MFAP5: variants seen among roughly 807,000 people sequenced by gnomAD.
The protein encoded by MFAP5 is microfibril associated protein 5.
In MFAP5, 19 loss-of-function variants were observed where a neutral mutation model predicts 30.1. The observed-to-expected ratio is 0.63, with a 90% confidence interval of 0.44 to 0.93. MFAP5 has a LOEUF of 0.93. Among genes scored for constraint, MFAP5 ranks in the 40% least tolerant of loss-of-function variants. The pLI is 0.00. For synonymous variants in MFAP5, 92 were observed against 72.9 expected (o/e 1.26, Z -1.33); for missense variants, 210 against 221.3 (o/e 0.95, Z 0.32).
At chr12:8,660,569 T>C (rs1045626504) in intron 3 of MFAP5, among the ~76,000 whole-genome samples, 35 of 152,026 alleles carry the variant, frequency 2.3e-4, no homozygotes, top group Admixed American at 1.3e-3. Flanking sequence ...AGATAGGAGA[T>C]GTGTAAAGAA....
intron 3 of MFAP5, among the ~76,000 whole-genome samples, chr12:8,657,944 T>G (rs1942051031): frequency 6.6e-6 from 1 of 152,194 alleles, no homozygotes; most frequent in South Asian, 2.1e-4. Context: ...AATATTTTTA[T>G]AAAGCATATC....
At chr12:8,661,507 C>T (rs1433807109) in intron 2 of MFAP5, among the ~76,000 whole-genome samples, 1 of 151,488 alleles carries the variant, frequency 6.6e-6, no homozygotes, top group Non-Finnish European at 1.5e-5. Context: ...CACTGTTCTT[C>T]TTCAAGATTT....
rs762891434 is a variant in MFAP5, at chr12:8,660,941, C to G, written c.59-43G>C. 11 of 1,533,812 alleles carry G rather than the reference C, an allele frequency of 7.2e-6. No individual in the cohort carries two copies. In the South Asian group the frequency reaches 1.3e-4, roughly 17 times the overall value. ...AAAAGAGATGTGAGTGACTGCAGCT[C>G]TATACCTCGTAACCCTTTTATGAGA... On this transcript the variant is annotated intron_variant, in intron 2 of 9. Transcript: ENST00000359478.
intron 9 of MFAP5, chr12:8,648,581 A>G (rs967503763): frequency 3.3e-6 from 4 of 1,227,942 alleles, no homozygotes; most frequent in Non-Finnish European, 3.2e-6. Context: ...ATGAGATCCA[A>G]TCATTCAGTA....
chr12:8,661,991 C>T, intron 2 of MFAP5, 56 bp downstream of exon 2: 1 of 1,521,476 alleles, frequency 6.6e-7, no homozygotes, highest in Non-Finnish European at 9.1e-7. Context: ...TCTCCTGCCA[C>T]ACACGTGTAT....
intron 6 of MFAP5, among the ~76,000 whole-genome samples, chr12:8,653,946 G>A (rs1194796359): frequency 2.6e-5 from 4 of 151,996 alleles, no homozygotes; most frequent in African/African-American, 7.3e-5. Flanking sequence ...CCAACGTGGC[G>A]AAACCCCATC....
At chr12:8,662,181 CCT>C in intron 1 of MFAP5, 75 bp from the exon 2 acceptor site, 1 of 1,218,304 alleles carries the variant, frequency 8.2e-7, no homozygotes, top group South Asian at 1.3e-5. Flanking sequence ...GGGAAAGATG[CCT>C]CTGAGGTCCC....
chr12:8,647,225 G>A lies in MFAP5; in HGVS notation c.*866C>T, dbSNP rs775009673. ...CACTTGTTAAGTTGTGAAGATGAAC[G>A]AAGTAGCAACTCAAGGAAACGTCAA... is the stretch of plus-strand genomic sequence containing the variant. On this transcript the variant is annotated 3_prime_UTR_variant, in exon 10 of 10. Coordinates refer to ENST00000359478, the MANE Select transcript of MFAP5 (RefSeq NM_003480.4). 8 of 152,164 alleles carry A rather than the reference G, an allele frequency of 5.3e-5. No individual in the cohort carries two copies. Among genetic ancestry groups the A allele is most frequent in the Non-Finnish European group, 8.8e-5 (6 of 68,028 alleles). 9.4% of individuals were successfully genotyped at this position (152,164 alleles called of 1,614,324 possible).
chr12:8,656,143 C>T (rs1306256879), intron 3 of MFAP5, among the ~76,000 whole-genome samples: 3 of 150,066 alleles, frequency 2.0e-5, no homozygotes, highest in East Asian at 2.0e-4. Flanking sequence ...TCACTGCAAG[C>T]TCCGCCTCCC....
intron 9 of MFAP5, chr12:8,648,487 C>A: frequency 3.1e-6 from 4 of 1,286,762 alleles, no homozygotes; most frequent in African/African-American, 1.5e-5. Context: ...TGCAAAGTAC[C>A]TAGCACAGGT....
intron 3 of MFAP5, among the ~76,000 whole-genome samples, chr12:8,656,111 A>G (rs1465000025): frequency 1.5e-5 from 2 of 137,210 alleles, no homozygotes; most frequent in Non-Finnish European, 3.0e-5. Flanking sequence ...CCCAGGCTGG[A>G]GTGCAGGGGC....
At chr12:8,657,560 CTTTGACTTTTTTTTTTTTTTTTTT>C (rs1942037407) in intron 3 of MFAP5, among the ~76,000 whole-genome samples, 1 of 149,084 alleles carries the variant, frequency 6.7e-6, no homozygotes, top group South Asian at 2.1e-4. Context: ...ACATAGTTTG[CTTTGACTTTTTTTTTTTTTTTTTT>C]TTTGAGACGG....
In MFAP5 at chr12:8,662,701, A is replaced by G. The variant is rs1303557473; in HGVS notation, c.-77T>C. 6.6e-6 allele frequency: 1 copy of G among 152,298 alleles called. No individual in the cohort carries two copies. The highest frequency in any genetic ancestry group is 1.5e-5 in the Non-Finnish European group (1 of 68,326). 9.4% of individuals were successfully genotyped at this position (152,298 alleles called of 1,614,324 possible). On this transcript the variant is annotated 5_prime_UTR_variant, in exon 1 of 10. Transcript: ENST00000359478. ...GTCTCTCTCCTCTTACGCTGTTCCT[A>G]CTTTGGCTGGCGAATAAGATGAACA...
chr12:8,648,023 G>T lies in MFAP5; in HGVS notation c.*68C>A, dbSNP rs142280385. 2 of 1,225,780 alleles carry T rather than the reference G, an allele frequency of 1.6e-6. No homozygotes were observed. The highest frequency in any genetic ancestry group is 2.4e-6 in the Non-Finnish European group (2 of 843,612). The allele number at this position is 1,225,780 out of a possible 1,614,324, so 75.9% of individuals were successfully genotyped here. On this transcript the variant is annotated 3_prime_UTR_variant, in exon 10 of 10. Coordinates refer to ENST00000359478, the MANE Select transcript of MFAP5 (RefSeq NM_003480.4). ...ACTGTCTAAGGGTTAGCTGTCAATGGTTGGAGAAGAAGGAGATCCTCCTTC... is the reference window on the plus strand; with the variant it reads ...ACTGTCTAAGGGTTAGCTGTCAATGTTTGGAGAAGAAGGAGATCCTCCTTC...
At chr12:8,650,658 A>C in intron 7 of MFAP5, 69 bp from the exon 8 acceptor site, 1 of 1,329,604 alleles carries the variant, frequency 7.5e-7, no homozygotes, top group Non-Finnish European at 1.1e-6. Flanking sequence ...GATTGAAGGA[A>C]TTGGGAAGGA....
At position 8,660,913 on chromosome 12, in the gene MFAP5, G is replaced by A; in HGVS notation, c.59-15C>T. On this transcript the variant is annotated splice_polypyrimidine_tract_variant and intron_variant, in intron 2 of 9. Coordinates refer to ENST00000359478, the MANE Select transcript of MFAP5 (RefSeq NM_003480.4). ...GGGTATCCAGTCTATAGCAAAGGAA[G>A]AGAAAAGAGATGTGAGTGACTGCAG... is the stretch of plus-strand genomic sequence containing the variant. The A allele has an allele frequency of 3.1e-6, 5 of 1,607,874 alleles. No individual in the cohort carries two copies. Among genetic ancestry groups the A allele is most frequent in the Non-Finnish European group, 3.4e-6 (4 of 1,174,908 alleles).
At chr12:8,649,391 G>A in intron 9 of MFAP5, 110 bp downstream of exon 9, 1 of 900,136 alleles carries the variant, frequency 1.1e-6, no homozygotes, top group Non-Finnish European at 1.8e-6. Context: ...CTCTAAGGGG[G>A]TAGCCTGAAG....
Position 8,655,402 on chromosome 12 carries a change from C to A in MFAP5, c.172+13G>T, listed in dbSNP as rs759662203. On this transcript the variant is annotated intron_variant, in intron 5 of 9. Coordinates refer to ENST00000359478, the MANE Select transcript of MFAP5 (RefSeq NM_003480.4). ...AACCATGCCATTTTTTTTTTAACTGCGGTAAAATTTACCTGTTTCATCTGT... is the reference window on the plus strand; with the variant it reads ...AACCATGCCATTTTTTTTTTAACTGAGGTAAAATTTACCTGTTTCATCTGT... 10 of 1,582,798 alleles carry A rather than the reference C, an allele frequency of 6.3e-6. No individual in the cohort carries two copies. Among genetic ancestry groups the A allele is most frequent in the Admixed American group, 1.8e-5 (1 of 55,106 alleles).
rs776038725 is a variant in MFAP5, at chr12:8,654,447, T to TTG, written c.206_207insCA (p.Asp70LysfsTer67). ...CAGATCTGAACTCACCCAAGTCATCTGTGGAAGGTGCAATATCAGCCAAAA... is the reference window on the plus strand; with the variant it reads ...CAGATCTGAACTCACCCAAGTCATCTTGGTGGAAGGTGCAATATCAGCCAAAA... On this transcript the variant is annotated frameshift_variant, in exon 6 of 10. Coordinates refer to ENST00000359478, the MANE Select transcript of MFAP5 (RefSeq NM_003480.4). LOFTEE classifies it high-confidence loss of function. 2.5e-6 allele frequency: 4 copies of TTG among 1,602,786 alleles called. No individual in the cohort carries two copies. The East Asian group carries it at 9.0e-5, about 36-fold the overall frequency.
Sources: gnomAD v4.1 joint callset for allele counts (sites outside exome capture counted in the v4.1 genomes callset) on GRCh38, gnomAD v4.1.1 for gene constraint, MANE v1.5 for transcripts, NCBI Gene and HGNC (gene_info 2026-07-23, HGNC 2026-07-21) for gene names.